The following PBRM1 variants were observed in gnomAD, a reference collection of about 807,000 sequenced individuals.
The protein encoded by PBRM1 is polybromo 1.
Under a neutral mutation model 194.5 loss-of-function variants are expected in PBRM1, and 27 were observed. The observed-to-expected ratio is 0.14, with a 90% CI of 0.10 to 0.19. The LOEUF (loss-of-function observed/expected upper bound fraction) is 0.19. Among genes scored for constraint, PBRM1 ranks in the 10% least tolerant of loss-of-function variants. The probability of loss-of-function intolerance (pLI) is 1.00; values close to 1 mark genes in which losing one functional copy is unlikely to be tolerated. For synonymous variants in PBRM1, 655 were observed against 693.2 expected (o/e 0.94, Z 0.87); for missense variants, 1,466 against 2,077.2 (o/e 0.71, Z 5.72).
chr3:52,675,063 C>G (rs958633791), intron 2 of PBRM1, among the ~76,000 whole-genome samples: 5 of 151,852 alleles, frequency 3.3e-5, no homozygotes, highest in African/African-American at 9.7e-5. Flanking sequence ...ACAACCAATG[C>G]CACAAAAATA....
intron 20 of PBRM1, among the ~76,000 whole-genome samples, chr3:52,582,433 G>A (rs1205352718): frequency 9.8e-5 from 13 of 132,134 alleles, no homozygotes; most frequent in African/African-American, 3.3e-4. Context: ...TTTTTCAGAC[G>A]GAGTCTCGCT....
chr3:52,553,453 T>C (rs2081438503), intron 27 of PBRM1, among the ~76,000 whole-genome samples: 1 of 151,692 alleles, frequency 6.6e-6, no homozygotes, highest in African/African-American at 2.4e-5. Flanking sequence ...TATCTACAGC[T>C]AGGAGGGTAG....
intron 6 of PBRM1, among the ~76,000 whole-genome samples, chr3:52,650,407 A>C (rs528964197): frequency 4.1e-4 from 62 of 150,784 alleles, no homozygotes; most frequent in African/African-American, 1.5e-3. Flanking sequence ...AAGATGATAC[A>C]TTAGGGAATC....
At chr3:52,633,226 CT>C (rs2095681960) in intron 11 of PBRM1, among the ~76,000 whole-genome samples, 1 of 151,774 alleles carries the variant, frequency 6.6e-6, no homozygotes, top group South Asian at 2.1e-4. Context: ...GCGTCTATGT[CT>C]CTATGACTTC....
At chr3:52,652,605 G>T (rs2096527068) in intron 5 of PBRM1, among the ~76,000 whole-genome samples, 1 of 151,318 alleles carries the variant, frequency 6.6e-6, no homozygotes, top group African/African-American at 2.4e-5. Flanking sequence ...GAGGAGAATC[G>T]CTTGAACCCA....
At chr3:52,653,844 AGGTTGCAGTGGGCTGAGATCACGCCACT>A (rs2096558582) in intron 5 of PBRM1, among the ~76,000 whole-genome samples, 1 of 152,150 alleles carries the variant, frequency 6.6e-6, no homozygotes, top group African/African-American at 2.4e-5. Flanking sequence ...TGGGAGGCAG[AGGTTGCAGTGGGCTGAGATCACGCCACT>A]GCACTCCAGC....
chr3:52,667,478 C>T (rs2096863102), intron 3 of PBRM1, among the ~76,000 whole-genome samples: 1 of 152,088 alleles, frequency 6.6e-6, no homozygotes, highest in Non-Finnish European at 1.5e-5. Flanking sequence ...TATGGCCAGG[C>T]ATGGTCGCTC....
intron 27 of PBRM1, 48 bp from the exon 30 acceptor site, chr3:52,550,865 G>C (rs757938230): frequency 8.0e-7 from 1 of 1,249,086 alleles, no homozygotes; most frequent in Admixed American, 1.8e-5. Context: ...GGGTTGAAAT[G>C]ACTGAAAAAC....
intron 25 of PBRM1, among the ~76,000 whole-genome samples, chr3:52,559,623 G>C (rs966523876): frequency 6.6e-6 from 1 of 152,038 alleles, no homozygotes; most frequent in Non-Finnish European, 1.5e-5. Context: ...TTTCAGGAGG[G>C]GGAAAATAGC....
chr3:52,609,948 C>T lies in PBRM1; in HGVS notation c.1932G>A (p.Lys644=), dbSNP rs756879404. The T allele has an allele frequency of 8.7e-6, 13 of 1,495,778 alleles. No individual in the cohort carries two copies. Among genetic ancestry groups the T allele is most frequent in the Non-Finnish European group, 1.2e-5 (13 of 1,117,398 alleles). 92.7% of individuals were successfully genotyped at this position (1,495,778 alleles called of 1,614,324 possible). Residue 644 remains lysine, a synonymous_variant, in exon 16 of 30, where the codon AAG becomes AAA. Transcript: ENST00000296302. The surrounding 1 kb of genome is among the most constrained non-coding windows in gnomAD (Gnocchi z 4.1). Reference sequence around the variant, plus strand: ...TTGATTTTTTAGGAGAAATGCCACTCTTCCTACCTAAAGAGAGATATTTAA... The same window carrying T: ...TTGATTTTTTAGGAGAAATGCCACTTTTCCTACCTAAAGAGAGATATTTAA...
chr3:52,633,162 T>C (rs2095678385), intron 11 of PBRM1, among the ~76,000 whole-genome samples: 1 of 152,178 alleles, frequency 6.6e-6, no homozygotes. Flanking sequence ...CCCTAGTCCC[T>C]GGCAACTACT....
chr3:52,641,207 C>T (rs1009140601), intron 10 of PBRM1, among the ~76,000 whole-genome samples: 1 of 151,570 alleles, frequency 6.6e-6, no homozygotes, highest in African/African-American at 2.4e-5. Context: ...CCAGCACATT[C>T]GGAGGCCGAG....
At chr3:52,648,112 T>C (rs1254429699) in intron 7 of PBRM1, among the ~76,000 whole-genome samples, 1 of 152,086 alleles carries the variant, frequency 6.6e-6, no homozygotes, top group Non-Finnish European at 1.5e-5. Flanking sequence ...TTTCACTATG[T>C]TGGCCAGGCT....
At chr3:52,547,467 C>T (rs1384540121), downstream of PBRM1, 2 of 233,482 alleles carry the variant, frequency 8.6e-6, no homozygotes, top group Admixed American at 1.1e-4. Context: ...GTCTATTAAA[C>T]ATCTAAAACC....
intron 4 of PBRM1, among the ~76,000 whole-genome samples, chr3:52,661,858 A>G (rs2096732395): frequency 1.3e-5 from 2 of 152,342 alleles, no homozygotes; most frequent in Middle Eastern, 3.4e-3. Flanking sequence ...ATCCTTGATA[A>G]TATCAAGATT....
At chr3:52,554,998 T>C in intron 26 of PBRM1, 119 bp from the exon 29 acceptor site, 3 of 690,096 alleles carry the variant, frequency 4.3e-6, no homozygotes, top group Non-Finnish European at 7.3e-6. Flanking sequence ...CTGCATGATA[T>C]AACAGCAATT....
chr3:52,665,638 C>A (rs754047592), intron 3 of PBRM1, among the ~76,000 whole-genome samples: 2 of 152,096 alleles, frequency 1.3e-5, no homozygotes, highest in South Asian at 2.1e-4. Flanking sequence ...GGAGTGTGAA[C>A]CCTATTGTGA....
intron 10 of PBRM1, among the ~76,000 whole-genome samples, chr3:52,639,705 G>A (rs2095994241): frequency 6.6e-6 from 1 of 151,888 alleles, no homozygotes; most frequent in South Asian, 2.1e-4. Context: ...GCTCCAGCCT[G>A]GGTGACAGAG....
At chr3:52,665,494 C>T (rs2096815158) in intron 3 of PBRM1, among the ~76,000 whole-genome samples, 2 of 152,088 alleles carry the variant, frequency 1.3e-5, no homozygotes, top group African/African-American at 2.4e-5. Context: ...GGTCCCCAAC[C>T]CCCAGCCCAC....
Sources: allele counts gnomAD v4.1 joint callset (sites outside exome capture counted in the v4.1 genomes callset), GRCh38; gene constraint gnomAD v4.1.1; non-coding constraint Gnocchi (gnomAD v3.1); transcripts MANE v1.5; gene names NCBI Gene and HGNC (gene_info 2026-07-23, HGNC 2026-07-21).